The following ELP6 variants were observed in gnomAD, a reference collection of about 807,000 sequenced individuals.
ELP6 encodes the protein elongator complex protein 6.
ELP6 carries 23 observed loss-of-function variants against 28.1 expected under a neutral mutation model. That is an observed-to-expected ratio of 0.82 (90% CI 0.59 to 1.16). The LOEUF (loss-of-function observed/expected upper bound fraction) is 1.16. Among genes scored for constraint, ELP6 ranks in the 50% most tolerant of loss-of-function variants. The pLI is 0.00. For synonymous variants in ELP6, 132 were observed against 135.8 expected, an observed-to-expected ratio of 0.97 and a Z score of 0.19; for missense variants, 313 against 334.6, an observed-to-expected ratio of 0.94 and a Z score of 0.50.
Position 47,501,488 on chromosome 3 carries a change from C to T in ELP6, c.525+162G>A, listed in dbSNP as rs991734037. ...GGGGGGCTTTACTTTTCAGCAATGG[C>T]AGGTAAGGGAAAACAGGGTGGCTGC... is the stretch of plus-strand genomic sequence containing the variant. On this transcript the variant is annotated intron_variant, in intron 5 of 6. Transcript: ENST00000296149. 6.0e-5 allele frequency: 39 copies of T among 650,714 alleles called. No homozygotes were observed. The East Asian group carries it at 1.1e-3, about 18-fold the overall frequency. 40.3% of individuals were successfully genotyped at this position (650,714 alleles called of 1,614,324 possible). A position where few individuals can be genotyped will look rare whatever the true frequency, so the allele number is the denominator to read the frequency against.
At chr3:47,503,328 G>GC (rs1272103995) in intron 4 of ELP6, 1 of 1,289,306 alleles carries the variant, frequency 7.8e-7, no homozygotes, top group South Asian at 1.2e-5. Context: ...CAGCAGCCAA[G>GC]CGGGGAGTCT....
intron 6 of ELP6, chr3:47,496,755 A>G (rs1708491951): frequency 5.1e-6 from 5 of 978,746 alleles, no homozygotes; most frequent in Non-Finnish European, 6.1e-6. Flanking sequence ...CGGCCTCCCA[A>G]AGTGCTGGGA....
At chr3:47,513,299 A>G in intron 1 of ELP6, 3 of 1,348,712 alleles carry the variant, frequency 2.2e-6, no homozygotes, top group Non-Finnish European at 2.8e-6. Context: ...GCCGCTTCCC[A>G]GGGACTTTTA....
chr3:47,512,821 A>C (rs1490549599), intron 1 of ELP6: 4 of 959,190 alleles, frequency 4.2e-6, no homozygotes, highest in Non-Finnish European at 5.0e-6. Context: ...GGCGGTTAGG[A>C]AGCTCGCCCA....
At chr3:47,506,830 T>C (rs1708852234) in intron 3 of ELP6, among the ~76,000 whole-genome samples, 3 of 152,176 alleles carry the variant, frequency 2.0e-5, no homozygotes, top group South Asian at 4.1e-4. Context: ...CACAGGAAAT[T>C]ATAAAAGTAT....
chr3:47,500,781 C>T (rs1364737116), intron 5 of ELP6, among the ~76,000 whole-genome samples: 4 of 152,200 alleles, frequency 2.6e-5, no homozygotes, highest in Non-Finnish European at 4.4e-5. Context: ...AGCTTCCAGG[C>T]AGGACTTTGC....
rs1322513845 is a variant in ELP6 at position 47,513,676 on chromosome 3, G to A, written c.-86C>T. The A allele has an allele frequency of 3.9e-6, 6 of 1,550,706 alleles. No homozygotes were observed. Among genetic ancestry groups the A allele is most frequent in the African/African-American group, 1.4e-5 (1 of 72,902 alleles). On this transcript the variant is annotated 5_prime_UTR_variant, in exon 1 of 7. Transcript: ENST00000296149. ...GCTGGAGAGCAAAACACACCCGACA[G>A]CCCGGCTCGCGCAAGGAAGCGCGCA...
intron 3 of ELP6, among the ~76,000 whole-genome samples, chr3:47,506,195 G>A (rs1478826448): frequency 2.0e-5 from 3 of 152,188 alleles, no homozygotes; most frequent in Non-Finnish European, 2.9e-5. Context: ...GGGTCACAGA[G>A]ATCACGTATT....
At chr3:47,501,324 T>C (rs1412506752) in intron 5 of ELP6, among the ~76,000 whole-genome samples, 1 of 152,200 alleles carries the variant, frequency 6.6e-6, no homozygotes, top group Non-Finnish European at 1.5e-5. Flanking sequence ...ACTCATTATT[T>C]TAGCTGATCT....
chr3:47,512,750 G>A (rs1360396064), intron 1 of ELP6: 2 of 964,934 alleles, frequency 2.1e-6, no homozygotes, highest in Non-Finnish European at 2.5e-6. Flanking sequence ...AGATCACAAG[G>A]AGGAAGAGTA....
At chr3:47,496,659 C>T (rs1314255485) in intron 6 of ELP6, 3 of 662,750 alleles carry the variant, frequency 4.5e-6, no homozygotes, top group Non-Finnish European at 5.6e-6. Context: ...CATGCCTGGG[C>T]AATTTTTGTA....
intron 4 of ELP6, 64 bp from the exon 5 acceptor site, chr3:47,501,915 G>A: frequency 6.7e-7 from 1 of 1,487,160 alleles, no homozygotes; most frequent in Non-Finnish European, 9.2e-7. Flanking sequence ...CAAGGACCAA[G>A]TAGCACGACA....
chr3:47,504,822 T>C (rs923422995), intron 3 of ELP6: 3 of 182,136 alleles, frequency 1.6e-5, no homozygotes, highest in South Asian at 1.9e-4. Context: ...TAGCCAAGTG[T>C]GGTAGTTTGC....
chr3:47,503,763 G>A (rs1054544398), intron 4 of ELP6, among the ~76,000 whole-genome samples: 4 of 151,942 alleles, frequency 2.6e-5, no homozygotes, highest in African/African-American at 7.3e-5. Context: ...GGTGGCGGGC[G>A]CCTGTAGTCC....
Position 47,513,675 on chromosome 3 carries a change from A to G in ELP6, c.-85T>C, listed in dbSNP as rs2030007608. ...GGCTGGAGAGCAAAACACACCCGACAGCCCGGCTCGCGCAAGGAAGCGCGC... is the reference window on the plus strand; with the variant it reads ...GGCTGGAGAGCAAAACACACCCGACGGCCCGGCTCGCGCAAGGAAGCGCGC... On this transcript the variant is annotated 5_prime_UTR_variant, in exon 1 of 7. Coordinates refer to ENST00000296149, the MANE Select transcript of ELP6 (RefSeq NM_001031703.3). 4.5e-6 allele frequency: 7 copies of G among 1,558,306 alleles called. No homozygotes were observed. Among genetic ancestry groups the G allele is most frequent in the African/African-American group, 1.4e-5 (1 of 73,208 alleles).
In ELP6 at chr3:47,513,563, T is replaced by G; in HGVS notation, c.28A>C (p.Asn10His). 1 of 1,613,270 alleles carries G rather than the reference T, an allele frequency of 6.2e-7. No individual in the cohort carries two copies. Among genetic ancestry groups the G allele is most frequent in the Non-Finnish European group, 8.5e-7 (1 of 1,179,592 alleles). The part of the protein sequence containing the change: MFVELNNLL[N>H]TTPDRAEQGK... ...TGCTCCGCCCTGTCGGGGGTGGTGT[T>G]AAGCAGGTTATTAAGTTCCACGAAC... The change falls in exon 1 of 7, where the codon AAC becomes CAC. Residue 10 changes from asparagine to histidine, a missense_variant. Coordinates refer to ENST00000296149, the MANE Select transcript of ELP6 (RefSeq NM_001031703.3).
intron 5 of ELP6, among the ~76,000 whole-genome samples, chr3:47,499,137 G>A (rs192489127): frequency 5.9e-5 from 9 of 152,350 alleles, no homozygotes; most frequent in African/African-American, 1.9e-4. Flanking sequence ...CAACACTTTG[G>A]GAGGCCAAGG....
chr3:47,502,863 G>A (rs182074582), intron 4 of ELP6, among the ~76,000 whole-genome samples: 1 of 152,166 alleles, frequency 6.6e-6, no homozygotes, highest in African/African-American at 2.4e-5. Context: ...AAAAGAAGAA[G>A]TTAAACAGCA....
chr3:47,495,935 C>T lies in ELP6; in HGVS notation c.*134G>A, dbSNP rs1708467509. On this transcript the variant is annotated 3_prime_UTR_variant, in exon 7 of 7. Coordinates refer to ENST00000296149, the MANE Select transcript of ELP6 (RefSeq NM_001031703.3). Reference sequence around the variant, plus strand: ...GGCATGCCATCACTGCAGCACTCAACCCTCTGGTCACAGTGGAGTCGCCGG... The same window carrying T: ...GGCATGCCATCACTGCAGCACTCAATCCTCTGGTCACAGTGGAGTCGCCGG... 1 of 1,491,638 alleles carries T rather than the reference C, an allele frequency of 6.7e-7. No individual in the cohort carries two copies. The highest frequency in any genetic ancestry group is 2.1e-5 in the Admixed American group (1 of 47,402). The allele number at this position is 1,491,638 out of a possible 1,614,324, so 92.4% of individuals were successfully genotyped here. A position where few individuals can be genotyped will look rare whatever the true frequency, so the allele number is the denominator to read the frequency against.
Sources: allele counts gnomAD v4.1 joint callset (sites outside exome capture counted in the v4.1 genomes callset), GRCh38; gene constraint gnomAD v4.1.1; transcripts MANE v1.5; gene names NCBI Gene and HGNC (gene_info 2026-07-23, HGNC 2026-07-21).